The following SETD5 variants were observed in gnomAD, a reference collection of about 807,000 sequenced individuals.
The protein encoded by SETD5 is histone-lysine N-methyltransferase SETD5.
A neutral mutation model predicts 153.3 loss-of-function variants in SETD5; 44 were observed. The ratio of observed to expected loss-of-function variants is 0.29; its 90% CI spans 0.23 to 0.37. SETD5 has a LOEUF of 0.37. Ranked by LOEUF, SETD5 falls within the 10% of genes least tolerant of loss-of-function variation. SETD5 has a pLI of 1.00. For synonymous variants in SETD5, 716 were observed against 645.2 expected, an observed-to-expected ratio of 1.11 and a Z score of -1.66; for missense variants, 1,544 against 1,768.0, an observed-to-expected ratio of 0.87 and a Z score of 2.27.
At chr3:9,410,733 T>C (rs547782404) in intron 1 of SETD5, among the ~76,000 whole-genome samples, 2 of 152,226 alleles carry the variant, frequency 1.3e-5, no homozygotes, top group East Asian at 3.9e-4. Flanking sequence ...ACTAAAACTA[T>C]TTCCTTCTAG....
At chr3:9,422,681 A>G (rs1468553430) in intron 1 of SETD5, among the ~76,000 whole-genome samples, 1 of 152,242 alleles carries the variant, frequency 6.6e-6, no homozygotes, top group Non-Finnish European at 1.5e-5. Flanking sequence ...GCTTGTTCTT[A>G]TGTATCTTAA....
intron 18 of SETD5, among the ~76,000 whole-genome samples, chr3:9,468,797 T>C (rs62246318): frequency 6.6e-6 from 1 of 150,810 alleles, no homozygotes; most frequent in Non-Finnish European, 1.5e-5. Context: ...CGTGTGTGTT[T>C]GTGTGTGTGT....
At chr3:9,455,157 TTTC>T (rs1446462405) in intron 17 of SETD5, among the ~76,000 whole-genome samples, 2 of 145,072 alleles carry the variant, frequency 1.4e-5, no homozygotes, top group African/African-American at 2.6e-5. Flanking sequence ...ATTGCCTTTT[TTTC>T]TTTTTTTCTT....
intron 1 of SETD5, among the ~76,000 whole-genome samples, chr3:9,419,123 G>A (rs1028995975): frequency 5.3e-5 from 8 of 152,068 alleles, no homozygotes; most frequent in Non-Finnish European, 8.8e-5. Flanking sequence ...CACCACACCC[G>A]GCCCACTTAC....
At chr3:9,438,545 AT>A (rs1268452405) in intron 7 of SETD5, among the ~76,000 whole-genome samples, 1 of 152,156 alleles carries the variant, frequency 6.6e-6, no homozygotes, top group Non-Finnish European at 1.5e-5. Flanking sequence ...ATTACTAGTC[AT>A]TTTGATTCTT....
chr3:9,469,388 AAGTT>A (rs1484183301), intron 18 of SETD5, among the ~76,000 whole-genome samples: 1 of 152,220 alleles, frequency 6.6e-6, no homozygotes. Flanking sequence ...CTTGAAGAGA[AAGTT>A]AGAGTCTCTC....
chr3:9,415,058 A>G (rs896265248), intron 1 of SETD5, among the ~76,000 whole-genome samples: 1 of 152,216 alleles, frequency 6.6e-6, no homozygotes, highest in Non-Finnish European at 1.5e-5. Flanking sequence ...CTGATATGAC[A>G]GGAAAACTAA....
intron 2 of SETD5, among the ~76,000 whole-genome samples, chr3:9,425,210 C>T (rs772997579): frequency 8.6e-5 from 13 of 150,658 alleles, no homozygotes; most frequent in South Asian, 2.1e-4. Flanking sequence ...TACAGGCGTC[C>T]GCCATCGTGC....
At chr3:9,438,317 G>A (rs183243539) in intron 7 of SETD5, among the ~76,000 whole-genome samples, 40 of 152,222 alleles carry the variant, frequency 2.6e-4, no homozygotes, top group African/African-American at 9.1e-4. Context: ...TTAGAGAGGG[G>A]CCTTTTAAAT....
In SETD5 at chr3:9,475,089, C is replaced by G. The variant is rs758347956; in HGVS notation, c.3653C>G (p.Pro1218Arg). The change falls in exon 22 of 23, where the codon CCA (proline) becomes CGA (arginine). Residue 1218 changes from proline (P) to arginine (R), a missense_variant. Pro to Arg is a moderately radical substitution (Grantham distance 103, BLOSUM62 -2). Coordinates refer to ENST00000402198, the MANE Select transcript of SETD5 (RefSeq NM_001080517.3). ...CCAGACCCTGCAGATGGAGAAGGCC[C>G]AGAGACATTAAGCTCAGCACTCTCT... ...KDSDPADGEG[P>R]ETLSSALSKG... The G allele has an allele frequency of 4.4e-6, 7 of 1,588,434 alleles. No homozygotes were observed. Among genetic ancestry groups the G allele is most frequent in the Non-Finnish European group, 6.0e-6 (7 of 1,167,624 alleles).
At chr3:9,447,454 C>A in intron 14 of SETD5, 147 bp downstream of exon 14, 1 of 1,239,818 alleles carries the variant, frequency 8.1e-7, no homozygotes, top group Non-Finnish European at 1.1e-6. Flanking sequence ...GGAACCATTT[C>A]ATTGGCCTAT....
At position 9,456,562 on chromosome 3, in the gene SETD5, A is replaced by G. The variant is rs376809987; in HGVS notation, c.2476+2694A>G. 9.2e-5 allele frequency among the ~76,000 whole-genome samples: 14 copies of G among 152,266 alleles called. 1 individual carries two copies. Among genetic ancestry groups the G allele is most frequent in the African/African-American group, 3.4e-4 (14 of 41,556 alleles). On this transcript the variant is annotated intron_variant, in intron 17 of 22. Transcript: ENST00000402198. ...ACCTGCTTTATAGAGCTAACATTAG[A>G]ATGAATAATGTATATAAAGTTCTCA...
chr3:9,446,674 G>A (rs1324993573), intron 13 of SETD5, among the ~76,000 whole-genome samples: 1 of 151,892 alleles, frequency 6.6e-6, no homozygotes, highest in African/African-American at 2.4e-5. Context: ...TTGTATTTTA[G>A]TAGAGACGGA....
chr3:9,451,635 A>G (rs1212069407), intron 16 of SETD5, among the ~76,000 whole-genome samples: 1 of 152,156 alleles, frequency 6.6e-6, no homozygotes, highest in Non-Finnish European at 1.5e-5. Flanking sequence ...TTGTAGCGAC[A>G]GGGTTTTGCT....
chr3:9,405,612 T>C (rs574945802), intron 1 of SETD5, among the ~76,000 whole-genome samples: 1 of 152,242 alleles, frequency 6.6e-6, no homozygotes, highest in Non-Finnish European at 1.5e-5. Context: ...AACTGAGTAA[T>C]CTAATAAGGT....
chr3:9,427,317 G>A (rs1056573739), intron 2 of SETD5, among the ~76,000 whole-genome samples: 7 of 152,188 alleles, frequency 4.6e-5, no homozygotes, highest in Admixed American at 4.6e-4. Flanking sequence ...GAGAGGCTGA[G>A]GTGTGAGTGG....
intron 19 of SETD5, among the ~76,000 whole-genome samples, chr3:9,472,568 T>C (rs1287713039): frequency 6.6e-6 from 1 of 152,244 alleles, no homozygotes; most frequent in Non-Finnish European, 1.5e-5. Flanking sequence ...TCTTTTTACA[T>C]TAATTACATC....
In SETD5 at chr3:9,442,330, A is replaced by T. The variant is rs2041392780; in HGVS notation, c.1077+85A>T. On this transcript the variant is annotated intron_variant, in intron 10 of 22. Transcript: ENST00000402198. Reference sequence around the variant, plus strand: ...GAAGCAGTGTGAAAACTTCACTCAGATAAAGGTCTGTAGATAATAGTCGTG... The same window carrying T: ...GAAGCAGTGTGAAAACTTCACTCAGTTAAAGGTCTGTAGATAATAGTCGTG... 6.3e-6 allele frequency: 6 copies of T among 950,980 alleles called. No homozygotes were observed. The Admixed American group carries it at 9.9e-5, about 16-fold the overall frequency. The allele number at this position is 950,980 out of a possible 1,614,324, so 58.9% of individuals were successfully genotyped here.
intron 7 of SETD5, among the ~76,000 whole-genome samples, chr3:9,438,014 A>T (rs1443082298): frequency 6.6e-6 from 1 of 152,136 alleles, no homozygotes; most frequent in South Asian, 2.1e-4. Flanking sequence ...AAAAAAAAAA[A>T]AAATTCAGTA....
Sources: allele counts gnomAD v4.1 joint callset (sites outside exome capture counted in the v4.1 genomes callset), GRCh38; gene constraint gnomAD v4.1.1; transcripts MANE v1.5; gene names NCBI Gene and HGNC (gene_info 2026-07-23, HGNC 2026-07-21).